Variants in PTPN23 observed in about 807,000 individuals in gnomAD.
The protein encoded by PTPN23 is protein tyrosine phosphatase non-receptor type 23.
A neutral mutation model predicts 156.3 loss-of-function variants in PTPN23; 72 were observed. The observed-to-expected ratio is 0.46, with a 90% confidence interval of 0.38 to 0.56. PTPN23 has a LOEUF of 0.56. Among genes scored for constraint, PTPN23 ranks in the 20% least tolerant of loss-of-function variants. The probability of loss-of-function intolerance (pLI) is 0.00; values close to 1 mark genes in which losing one functional copy is unlikely to be tolerated. For synonymous variants in PTPN23, 957 were observed against 899.6 expected (o/e 1.06, Z -1.14); for missense variants, 1,974 against 2,171.5 (o/e 0.91, Z 1.81).
At position 47,411,812 on chromosome 3, in the gene PTPN23, G is replaced by A. The variant is rs757264825; in HGVS notation, c.3918G>A (p.Glu1306=). The change falls in exon 21 of 25, where the codon GAG becomes GAA. Residue 1306 remains glutamate (E), a synonymous_variant. Transcript: ENST00000265562. This position sits in a 1 kb window ranked among gnomAD's most constrained non-coding sequence, Gnocchi z 6.3. ...KQKVARYFPT[E]RGQPMVHGAL... ...AAGTGGCACGCTACTTCCCCACCGA[G>A]AGGGGCCAGCCCATGGTGCACGGTG... is the stretch of plus-strand genomic sequence containing the variant. 6.2e-7 allele frequency: 1 copy of A among 1,609,754 alleles called. No individual in the cohort carries two copies. Among genetic ancestry groups the A allele is most frequent in the Non-Finnish European group, 8.5e-7 (1 of 1,178,000 alleles).
In PTPN23 at chr3:47,406,297, A is replaced by G; in HGVS notation, c.547-28A>G. ...GGAAGCGGGAGGCCTTGGGTGAGCGAGGGAGTGCACCTCACGTGTCGCCCC... is the reference window on the plus strand; with the variant it reads ...GGAAGCGGGAGGCCTTGGGTGAGCGGGGGAGTGCACCTCACGTGTCGCCCC... On this transcript the variant is annotated intron_variant, in intron 6 of 24. Coordinates refer to ENST00000265562, the MANE Select transcript of PTPN23 (RefSeq NM_015466.4). This position sits in a 1 kb window ranked among gnomAD's most constrained non-coding sequence, Gnocchi z 5.8. 1 of 1,612,128 alleles carries G rather than the reference A, an allele frequency of 6.2e-7. No individual in the cohort carries two copies. The highest frequency in any genetic ancestry group is 1.3e-5 in the African/African-American group (1 of 74,878).
At chr3:47,389,636 C>T (rs1211326983) in intron 1 of PTPN23, among the ~76,000 whole-genome samples, 1 of 152,066 alleles carries the variant, frequency 6.6e-6, no homozygotes, top group East Asian at 1.9e-4. Flanking sequence ...ATCAGGAGAT[C>T]AAGACCATCC....
rs780998213 is a variant in PTPN23 at position 47,409,154 on chromosome 3, T to G, written c.1643-9T>G. On this transcript the variant is annotated splice_polypyrimidine_tract_variant and intron_variant, in intron 16 of 24. Coordinates refer to ENST00000265562, the MANE Select transcript of PTPN23 (RefSeq NM_015466.4). ...TTTCTCTGGCCTCACTGACCACTGCTGCCCACAGAGGACAAGGCCGTGCTG... is the reference window on the plus strand; with the variant it reads ...TTTCTCTGGCCTCACTGACCACTGCGGCCCACAGAGGACAAGGCCGTGCTG... 6.2e-7 allele frequency: 1 copy of G among 1,612,160 alleles called. No individual in the cohort carries two copies. The highest frequency in any genetic ancestry group is 1.7e-5 in the Admixed American group (1 of 59,956).
At chr3:47,408,615 A>C (rs933595180) in intron 15 of PTPN23, 125 bp downstream of exon 15, 77 of 1,434,858 alleles carry the variant, frequency 5.4e-5, no homozygotes, top group Admixed American at 8.8e-5. Context: ...GGGCATCCAC[A>C]CCCACTCCTC....
chr3:47,412,307 C>T lies in PTPN23; in HGVS notation c.4203C>T (p.Ala1401=), dbSNP rs1175132666. The change falls in exon 23 of 25, where the codon GCC becomes GCT. Residue 1401 remains alanine, a synonymous_variant. Transcript: ENST00000265562. Reference sequence around the variant, plus strand: ...GCTCTGGTGTGGGCCGCACGGGAGCCTTTGCACTGCTCTATGCAGCTGTGC... The same window carrying T: ...GCTCTGGTGTGGGCCGCACGGGAGCTTTTGCACTGCTCTATGCAGCTGTGC... The part of the protein sequence containing the change: ...HCSSGVGRTG[A]FALLYAAVQE... 4 of 1,613,318 alleles carry T rather than the reference C, an allele frequency of 2.5e-6. No individual in the cohort carries two copies. Among genetic ancestry groups the T allele is most frequent in the South Asian group, 1.1e-5 (1 of 91,092 alleles).
rs1705143929 is a variant in PTPN23, at chr3:47,407,070, A to G, written c.808-60A>G. ...GGACAGGCAGGGCCGGGTGGGAGGC[A>G]GGAGGAGAAAGGGTCCAAGCAGAGG... On this transcript the variant is annotated intron_variant, in intron 9 of 24. Transcript: ENST00000265562. The surrounding 1 kb of genome is among the most constrained non-coding windows in gnomAD (Gnocchi z 4.0). 1.9e-6 allele frequency: 3 copies of G among 1,605,936 alleles called. No individual in the cohort carries two copies. The highest frequency in any genetic ancestry group is 1.7e-6 in the Non-Finnish European group (2 of 1,173,752).
Position 47,410,739 on chromosome 3 carries a change from C to G in PTPN23, c.2941C>G (p.Pro981Ala), listed in dbSNP as rs763694529. ...ACAGCAGCCCCTTCCACTCCAGCAT[C>G]CACATCTCTTCCCACCCCAGGCCCC... ...PPQQPLPLQH[P>A]HLFPPQAPGL... The change falls in exon 20 of 25, where the codon CCA (proline) becomes GCA (alanine). Residue 981 changes from proline to alanine, a missense_variant. Physicochemically the swap from Pro to Ala is conservative, Grantham distance 27 (BLOSUM62 -1). This residue lies in a region of PTPN23 where 731 missense variants were observed against 669.1 expected (regional missense o/e 1.09). Transcript: ENST00000265562. The G allele has an allele frequency of 8.3e-6, 13 of 1,570,694 alleles. No homozygotes were observed. Among genetic ancestry groups the G allele is most frequent in the Non-Finnish European group, 1.1e-5 (13 of 1,157,368 alleles).
Position 47,408,501 on chromosome 3 carries a change from G to T in PTPN23, c.1330+11G>T. 6.2e-7 allele frequency: 1 copy of T among 1,604,558 alleles called. No homozygotes were observed. The highest frequency in any genetic ancestry group is 1.3e-5 in the African/African-American group (1 of 74,844). ...TACAGTCCATGCAAGGTGAGTAAGGGGCAGAGCAAGCAGGTGGAAGGGAGT... is the reference window on the plus strand; with the variant it reads ...TACAGTCCATGCAAGGTGAGTAAGGTGCAGAGCAAGCAGGTGGAAGGGAGT... On this transcript the variant is annotated intron_variant, in intron 15 of 24. Transcript: ENST00000265562.
In PTPN23 at chr3:47,410,630, A is replaced by C; in HGVS notation, c.2832A>C (p.Ala944=). The change falls in exon 20 of 25, where the codon GCA becomes GCC. Residue 944 remains alanine, a synonymous_variant. Coordinates refer to ENST00000265562, the MANE Select transcript of PTPN23 (RefSeq NM_015466.4). ...AQHHFSSGIP[A]GFPAPRIGPQ... ...ACCACTTCTCTTCTGGGATCCCCGC[A>C]GGTTTTCCAGCCCCAAGGATTGGGC... 1 of 1,610,444 alleles carries C rather than the reference A, an allele frequency of 6.2e-7. No homozygotes were observed. Among genetic ancestry groups the C allele is most frequent in the East Asian group, 2.2e-5 (1 of 44,670 alleles).
At chr3:47,404,968 TC>T in intron 3 of PTPN23, 36 bp from the exon 4 acceptor site, 1 of 1,612,492 alleles carries the variant, frequency 6.2e-7, no homozygotes, top group Non-Finnish European at 8.5e-7. Flanking sequence ...CCTGGCTAGC[TC>T]CTGCCCTCGA....
chr3:47,387,452 AC>A (rs1704678655), intron 1 of PTPN23, among the ~76,000 whole-genome samples: 1 of 150,630 alleles, frequency 6.6e-6, no homozygotes, highest in African/African-American at 2.4e-5. Context: ...GGTGGCACAC[AC>A]CTGTAGTCCC....
Position 47,392,897 on chromosome 3 carries a change from CT to C in PTPN23, c.85-3243del, listed in dbSNP as rs570881962. On this transcript the variant is annotated intron_variant, in intron 1 of 24. Coordinates refer to ENST00000265562, the MANE Select transcript of PTPN23 (RefSeq NM_015466.4). The stretch of plus-strand genomic sequence containing the variant: ...TTTGTTTTTAGAGATGGGATTTACT[CT>C]TTGTTGCCCAGGCTGGACTTGAACT... Among the ~76,000 whole-genome samples the C allele has an allele frequency of 8.1e-3, 1,231 of 152,182 alleles. 8 individuals are homozygous for C. The highest frequency in any genetic ancestry group is 0.011 in the Non-Finnish European group (773 of 68,018).
chr3:47,394,120 G>A (rs1015092868), intron 1 of PTPN23, among the ~76,000 whole-genome samples: 54 of 152,002 alleles, frequency 3.6e-4, no homozygotes, highest in Admixed American at 3.5e-3. Flanking sequence ...TTTGAAGAGA[G>A]TGGGTTCATT....
In PTPN23 at chr3:47,409,522, G is replaced by A. The variant is rs756662249; in HGVS notation, c.1903G>A (p.Val635Met). Residue 635 changes from valine to methionine, a missense_variant, in exon 18 of 25, where the codon GTG (valine) becomes ATG (methionine). Coordinates refer to ENST00000265562, the MANE Select transcript of PTPN23 (RefSeq NM_015466.4). Reference sequence around the variant, plus strand: ...CCTCTGTGCACTGACAGAGGCCAACGTGCAGTACGCAGCCGTGCGGCGGGT... The same window carrying A: ...CCTCTGTGCACTGACAGAGGCCAACATGCAGTACGCAGCCGTGCGGCGGGT... ...RVLCALTEAN[V>M]QYAAVRRVLS... The A allele has an allele frequency of 8.2e-5, 133 of 1,613,942 alleles. No individual in the cohort carries two copies. The highest frequency in any genetic ancestry group is 1.0e-4 in the Non-Finnish European group (119 of 1,179,986).
chr3:47,381,214 C>G, intron 1 of PTPN23, 34 bp downstream of exon 1: 1 of 1,555,842 alleles, frequency 6.4e-7, no homozygotes, highest in South Asian at 1.2e-5. Flanking sequence ...CCCTATCCGC[C>G]GCGTATCTCC....
intron 14 of PTPN23, 56 bp downstream of exon 14, chr3:47,408,011 G>A: frequency 6.4e-7 from 1 of 1,571,110 alleles, no homozygotes; most frequent in Non-Finnish European, 8.7e-7. Context: ...CCGGGCCTCT[G>A]GGGGCCCCAG....
In PTPN23 at chr3:47,405,121, T is replaced by A. The variant is rs200306318; in HGVS notation, c.364+40T>A. ...CCCTTCCCCCGGCCCTACTCCCCAG[T>A]CCTGCCAGCCTAGCTTTCAGCTCTT... On this transcript the variant is annotated intron_variant, in intron 4 of 24. Transcript: ENST00000265562. The surrounding 1 kb of genome is among the most constrained non-coding windows in gnomAD (Gnocchi z 4.7). The A allele has an allele frequency of 2.5e-5, 39 of 1,588,060 alleles. No individual in the cohort carries two copies. The highest frequency in any genetic ancestry group is 3.4e-5 in the Non-Finnish European group (39 of 1,156,606).
intron 2 of PTPN23, among the ~76,000 whole-genome samples, chr3:47,400,730 C>T (rs1027506107): frequency 1.8e-4 from 27 of 151,832 alleles, no homozygotes; most frequent in Middle Eastern, 3.4e-3. Context: ...CTCGCCATCA[C>T]GCCCAGCTAT....
At position 47,412,286 on chromosome 3, in the gene PTPN23, T is replaced by C; in HGVS notation, c.4182T>C (p.Ser1394=). 6.2e-7 allele frequency: 1 copy of C among 1,613,212 alleles called. No individual in the cohort carries two copies. The highest frequency in any genetic ancestry group is 8.5e-7 in the Non-Finnish European group (1 of 1,179,788). The change falls in exon 23 of 25, where the codon TCT becomes TCC. Residue 1394 remains serine, a synonymous_variant. Transcript: ENST00000265562. ...TCATAACCCCTTCTTGGCACAGCTC[T>C]GGTGTGGGCCGCACGGGAGCCTTTG... ...LHTPIIVHCS[S]GVGRTGAFAL...
Sources: gnomAD v4.1 joint callset for allele counts (sites outside exome capture counted in the v4.1 genomes callset) on GRCh38, gnomAD v4.1.1 for gene constraint, gnomAD v4.1.1 regional missense constraint, Gnocchi (gnomAD v3.1) non-coding constraint, MANE v1.5 for transcripts, NCBI Gene and HGNC (gene_info 2026-07-23, HGNC 2026-07-21) for gene names.